Variants in DLG2 observed in about 807,000 individuals in gnomAD.
DLG2 encodes the protein discs large MAGUK scaffold protein 2, also known as disks large homolog 2.
DLG2 carries 45 observed loss-of-function variants against 132.5 expected under a neutral mutation model. The observed-to-expected ratio is 0.34, with a 90% CI of 0.27 to 0.44. The LOEUF (loss-of-function observed/expected upper bound fraction) is 0.44, where lower values mean the gene tolerates loss of function less well. Ranked by LOEUF, DLG2 falls within the 20% of genes least tolerant of loss-of-function variation. The probability of loss-of-function intolerance (pLI) is 1.00; values close to 1 mark genes in which losing one functional copy is unlikely to be tolerated. For synonymous variants in DLG2, 424 were observed against 419.6 expected (o/e 1.01, Z -0.13); for missense variants, 1,045 against 1,196.9 (o/e 0.87, Z 1.87).
chr11:84,044,398 G>C (rs960318135), intron 11 of DLG2, among the ~76,000 whole-genome samples: 1 of 151,648 alleles, frequency 6.6e-6, no homozygotes, highest in East Asian at 1.9e-4. Flanking sequence ...CTGATATAAC[G>C]CATGTGACTG....
chr11:83,989,534 G>C (rs2093582808), intron 11 of DLG2, among the ~76,000 whole-genome samples: 1 of 152,156 alleles, frequency 6.6e-6, no homozygotes, highest in Non-Finnish European at 1.5e-5. Flanking sequence ...CTTCTTAGAG[G>C]AGAAGGAGAA....
intron 4 of DLG2, among the ~76,000 whole-genome samples, chr11:85,203,771 T>C (rs373318430): frequency 1.3e-5 from 2 of 151,990 alleles, no homozygotes; most frequent in African/African-American, 2.4e-5. Flanking sequence ...CTGATAAACA[T>C]AGATGCAAAA....
chr11:84,761,977 A>T (rs574795814), intron 6 of DLG2: 1 of 152,298 alleles, frequency 6.6e-6, no homozygotes, highest in South Asian at 2.1e-4. Flanking sequence ...CTGAGGGCCC[A>T]TCCTATTCTT....
chr11:83,938,402 G>T (rs1326317338), intron 14 of DLG2, among the ~76,000 whole-genome samples: 2 of 152,130 alleles, frequency 1.3e-5, no homozygotes, highest in African/African-American at 4.8e-5. Context: ...TGAAAGGGGT[G>T]AAAGAGGGCT....
At chr11:83,783,109 C>G (rs1041878713) in intron 18 of DLG2, among the ~76,000 whole-genome samples, 2 of 152,120 alleles carry the variant, frequency 1.3e-5, no homozygotes, top group Non-Finnish European at 2.9e-5. Flanking sequence ...AAAGTAAGTG[C>G]ATGATAAAAT....
At chr11:83,852,029 A>C (rs1044756256) in intron 16 of DLG2, among the ~76,000 whole-genome samples, 1 of 152,084 alleles carries the variant, frequency 6.6e-6, no homozygotes, top group African/African-American at 2.4e-5. Context: ...ACCAAGGAAC[A>C]CTCGAGGTTG....
intron 2 of DLG2, among the ~76,000 whole-genome samples, chr11:85,608,413 C>T (rs2080747007): frequency 6.6e-6 from 1 of 152,128 alleles, no homozygotes; most frequent in African/African-American, 2.4e-5. Context: ...TACTATCCTG[C>T]AGTTTGACCT....
chr11:85,366,812 G>C (rs1444754236), intron 3 of DLG2, among the ~76,000 whole-genome samples: 1 of 152,102 alleles, frequency 6.6e-6, no homozygotes, highest in Non-Finnish European at 1.5e-5. Flanking sequence ...ATTCTCATCA[G>C]TCTTGAATAC....
At chr11:85,460,659 T>A (rs2092578227) in intron 3 of DLG2, among the ~76,000 whole-genome samples, 1 of 152,214 alleles carries the variant, frequency 6.6e-6, no homozygotes, top group Non-Finnish European at 1.5e-5. Context: ...CTAATAGCCA[T>A]CTTGGCCTCT....
chr11:84,420,347 T>G (rs1177852131), intron 7 of DLG2, among the ~76,000 whole-genome samples: 1 of 152,086 alleles, frequency 6.6e-6, no homozygotes, highest in Non-Finnish European at 1.5e-5. Flanking sequence ...CTTCCCCCAC[T>G]CTGAATGGAA....
At chr11:83,502,368 T>C (rs11601771) in intron 21 of DLG2, among the ~76,000 whole-genome samples, 54,942 of 151,968 alleles carry the variant, frequency 0.36, 9,984 homozygotes, top group Middle Eastern at 0.46. Flanking sequence ...AGTGTGCATT[T>C]TACTCTGCTC....
chr11:83,850,302 T>C (rs572643888), intron 16 of DLG2, among the ~76,000 whole-genome samples: 16 of 152,120 alleles, frequency 1.1e-4, no homozygotes, highest in South Asian at 4.2e-4. Context: ...TACAGGCATG[T>C]GCCACCACTC....
At chr11:84,118,688 C>T (rs767974468) in intron 9 of DLG2, among the ~76,000 whole-genome samples, 1 of 152,156 alleles carries the variant, frequency 6.6e-6, no homozygotes, top group Non-Finnish European at 1.5e-5. Flanking sequence ...TTTACTCATC[C>T]TTTCAGCAGC....
chr11:85,082,379 G>C (rs1238973993), intron 6 of DLG2, among the ~76,000 whole-genome samples: 1 of 152,060 alleles, frequency 6.6e-6, no homozygotes, highest in Non-Finnish European at 1.5e-5. Context: ...TGCCATTCCA[G>C]GCCTTCTCAA....
chr11:83,936,943 T>C (rs889166551), intron 14 of DLG2, among the ~76,000 whole-genome samples: 4 of 152,210 alleles, frequency 2.6e-5, no homozygotes, highest in African/African-American at 9.7e-5. Flanking sequence ...GGGTCAATAT[T>C]ATGGCCAGAT....
intron 23 of DLG2, 65 bp downstream of exon 23, chr11:83,472,662 C>A: frequency 7.0e-7 from 1 of 1,429,836 alleles, no homozygotes; most frequent in South Asian, 1.2e-5. Flanking sequence ...CACTCTTTCC[C>A]TCCTTCAATG....
chr11:85,163,811 G>GA (rs1335437192), intron 4 of DLG2, among the ~76,000 whole-genome samples: 7 of 152,068 alleles, frequency 4.6e-5, no homozygotes, highest in South Asian at 2.1e-4. Flanking sequence ...TTGTAGGGGA[G>GA]AAAAAAATAG....
chr11:84,039,307 G>A (rs2095981991), intron 11 of DLG2, among the ~76,000 whole-genome samples: 1 of 149,004 alleles, frequency 6.7e-6, no homozygotes, highest in Admixed American at 6.7e-5. Flanking sequence ...CCATGTTGGT[G>A]CGCTGCACCC....
intron 3 of DLG2, among the ~76,000 whole-genome samples, chr11:85,521,018 T>C (rs2074265577): frequency 6.6e-6 from 1 of 152,148 alleles, no homozygotes; most frequent in Non-Finnish European, 1.5e-5. Flanking sequence ...ACAGATGGGA[T>C]CACATCAAGT....
Sources: gnomAD v4.1 joint callset for allele counts (sites outside exome capture counted in the v4.1 genomes callset) on GRCh38, gnomAD v4.1.1 for gene constraint, MANE v1.5 for transcripts, NCBI Gene and HGNC (gene_info 2026-07-23, HGNC 2026-07-21) for gene names.